TGFBR2: variants seen among roughly 807,000 people sequenced by gnomAD.
The protein encoded by TGFBR2 is transforming growth factor beta receptor 2.
TGFBR2 carries 18 observed loss-of-function variants against 49.0 expected under a neutral mutation model. That is an observed-to-expected ratio of 0.37 (90% CI 0.25 to 0.54). The LOEUF (loss-of-function observed/expected upper bound fraction) is 0.54. TGFBR2 is among the 20% of genes least tolerant of loss of function. The pLI is 0.85. For synonymous variants in TGFBR2, 282 were observed against 275.9 expected, an observed-to-expected ratio of 1.02 and a Z score of -0.22; for missense variants, 525 against 722.6, an observed-to-expected ratio of 0.73 and a Z score of 3.13.
At chr3:30,655,012 C>T (rs1247072611) in intron 3 of TGFBR2, among the ~76,000 whole-genome samples, 2 of 152,220 alleles carry the variant, frequency 1.3e-5, no homozygotes, top group African/African-American at 4.8e-5. Flanking sequence ...GCTTATTCTA[C>T]AGCTTATTAG....
In TGFBR2 at chr3:30,672,018, T is replaced by C. The variant is rs746824357; in HGVS notation, c.835T>C (p.Phe279Leu). 6.2e-6 allele frequency: 10 copies of C among 1,614,088 alleles called. No homozygotes were observed. Among genetic ancestry groups the C allele is most frequent in the Non-Finnish European group, 8.5e-6 (10 of 1,180,034 alleles). The change falls in exon 4 of 7, where the codon TTT (phenylalanine) becomes CTT (leucine). Residue 279 changes from phenylalanine to leucine, a missense_variant. By Grantham distance (22) the Phe-to-Leu change is conservative. This residue lies in a region of TGFBR2 where 376 missense variants were observed against 478.2 expected (regional missense o/e 0.79). Transcript: ENST00000295754. This position sits in a 1 kb window ranked among gnomAD's most constrained non-coding sequence, Gnocchi z 4.5. The part of the protein sequence containing the change: ...EQFETVAVKI[F>L]PYEEYASWKT... ...GTTTGAGACAGTGGCAGTCAAGATC[T>C]TTCCCTATGAGGAGTATGCCTCTTG...
intron 3 of TGFBR2, among the ~76,000 whole-genome samples, chr3:30,662,576 G>T (rs564336020): frequency 9.2e-5 from 14 of 152,216 alleles, no homozygotes; most frequent in Admixed American, 2.0e-4. Context: ...TCAATAGCTA[G>T]AAGTTAAATT....
In TGFBR2 at chr3:30,669,836, A is replaced by T. The variant is rs17026137; in HGVS notation, c.455-1802A>T. Among the ~76,000 whole-genome samples the T allele has an allele frequency of 4.9e-4, 75 of 152,292 alleles. 1 individual carries two copies. In the East Asian group the frequency reaches 0.012, roughly 24 times the overall value. On this transcript the variant is annotated intron_variant, in intron 3 of 6. Transcript: ENST00000295754. ...TGGGGCTGCTTTTCATTAAAAAGAA[A>T]CACCTTACCGAGGACTTCCATACCC...
intron 3 of TGFBR2, chr3:30,661,592 A>C (rs1699131893): frequency 1.9e-6 from 1 of 516,356 alleles, no homozygotes; most frequent in African/African-American, 1.9e-5. Context: ...ACTTGTCAAA[A>C]CACTGGCTGG....
intron 2 of TGFBR2, among the ~76,000 whole-genome samples, chr3:30,646,811 A>C (rs914521208): frequency 6.6e-6 from 1 of 152,276 alleles, no homozygotes; most frequent in Admixed American, 6.5e-5. Flanking sequence ...AGGCTCTTTT[A>C]ATTAAGATTT....
intron 5 of TGFBR2, among the ~76,000 whole-genome samples, chr3:30,681,178 A>C (rs1165107874): frequency 6.6e-6 from 1 of 151,416 alleles, no homozygotes; most frequent in Non-Finnish European, 1.5e-5. Flanking sequence ...AAAAAAAAAA[A>C]AAAGTGCAAA....
At chr3:30,647,165 G>A (rs1698757131) in intron 2 of TGFBR2, among the ~76,000 whole-genome samples, 1 of 152,158 alleles carries the variant, frequency 6.6e-6, no homozygotes, top group South Asian at 2.1e-4. Flanking sequence ...CCAGTGATGG[G>A]AGCTGCCTCA....
At chr3:30,644,639 A>G (rs1698697318) in intron 1 of TGFBR2, 108 bp from the exon 2 acceptor site, 1 of 1,072,646 alleles carries the variant, frequency 9.3e-7, no homozygotes, top group African/African-American at 1.6e-5. Context: ...CTTCAGATTC[A>G]TTCTCATGAC....
rs1699750421 is a variant in TGFBR2 at position 30,693,678 on chromosome 3, A to T, written c.*2079A>T. 2 of 233,610 alleles carry T rather than the reference A, an allele frequency of 8.6e-6. No individual in the cohort carries two copies. Among genetic ancestry groups the T allele is most frequent in the African/African-American group, 2.2e-5 (1 of 45,332 alleles). 14.5% of individuals were successfully genotyped at this position (233,610 alleles called of 1,614,324 possible). A position where few individuals can be genotyped will look rare whatever the true frequency, so the allele number is the denominator to read the frequency against. On this transcript the variant is annotated 3_prime_UTR_variant, in exon 7 of 7. Transcript: ENST00000295754. ...TCCACTTGCACCGTAGGGCATGCTG[A>T]TACCATCCCAATAGCTGTTGCCCAT...
intron 1 of TGFBR2, among the ~76,000 whole-genome samples, chr3:30,615,537 G>T (rs1164980724): frequency 1.3e-5 from 2 of 152,094 alleles, no homozygotes; most frequent in African/African-American, 4.8e-5. Context: ...TTTCTAAAGG[G>T]AAGACTGAAT....
chr3:30,615,739 A>AT (rs1276214378), intron 1 of TGFBR2, among the ~76,000 whole-genome samples: 5 of 106,850 alleles, frequency 4.7e-5, no homozygotes, highest in Non-Finnish European at 9.0e-5. Flanking sequence ...GTATGATACT[A>AT]TTTAAAATTT....
At chr3:30,627,504 G>T in intron 1 of TGFBR2, among the ~76,000 whole-genome samples, 1 of 151,910 alleles carries the variant, frequency 6.6e-6, no homozygotes, top group African/African-American at 2.4e-5. Flanking sequence ...GTAGCCAGTA[G>T]CCTAAAAACC....
At chr3:30,625,905 A>AT (rs1233711517) in intron 1 of TGFBR2, among the ~76,000 whole-genome samples, 5 of 152,080 alleles carry the variant, frequency 3.3e-5, no homozygotes, top group African/African-American at 1.2e-4. Flanking sequence ...TAACTACTAC[A>AT]TTTTTTCCTA....
At chr3:30,629,718 G>C (rs1698401197) in intron 1 of TGFBR2, among the ~76,000 whole-genome samples, 1 of 152,100 alleles carries the variant, frequency 6.6e-6, no homozygotes, top group African/African-American at 2.4e-5. Context: ...TTGAGATTTG[G>C]GGAATACAGA....
intron 6 of TGFBR2, among the ~76,000 whole-genome samples, chr3:30,690,665 C>T (rs976667684): frequency 6.6e-6 from 1 of 152,122 alleles, no homozygotes; most frequent in Non-Finnish European, 1.5e-5. Context: ...CTATATGACA[C>T]TCTGGAAAAG....
At chr3:30,642,374 G>C (rs1559455622) in intron 1 of TGFBR2, among the ~76,000 whole-genome samples, 1 of 152,152 alleles carries the variant, frequency 6.6e-6, no homozygotes, top group East Asian at 1.9e-4. Context: ...TATAGGTCTG[G>C]GTTCTCAACC....
intron 1 of TGFBR2, among the ~76,000 whole-genome samples, chr3:30,610,433 G>A (rs1439335464): frequency 1.3e-5 from 2 of 152,018 alleles, no homozygotes; most frequent in Non-Finnish European, 2.9e-5. Context: ...TCCTATCCCT[G>A]CCTTGTCACG....
At position 30,609,365 on chromosome 3, in the gene TGFBR2, C is replaced by A. The variant is rs757613018; in HGVS notation, c.94+2388C>A. Reference sequence around the variant, plus strand: ...AACATTTTTTCAAAATATCTTAATGCAAGATAATATATCAGGTAATGAGAT... The same window carrying A: ...AACATTTTTTCAAAATATCTTAATGAAAGATAATATATCAGGTAATGAGAT... On this transcript the variant is annotated intron_variant, in intron 1 of 6. Coordinates refer to ENST00000295754, the MANE Select transcript of TGFBR2 (RefSeq NM_003242.6). Among the ~76,000 whole-genome samples, 166 of 152,060 alleles carry A rather than the reference C, an allele frequency of 1.1e-3. 6 individuals carry two copies. Among genetic ancestry groups the A allele is most frequent in the Non-Finnish European group, 2.9e-4 (20 of 68,006 alleles).
Position 30,694,073 on chromosome 3 carries a change from TTA to T in TGFBR2, c.*2476_*2477del. On this transcript the variant is annotated 3_prime_UTR_variant, in exon 7 of 7. Transcript: ENST00000295754. ...TTTGTCTTTTACATAAATAAAATGT[TTA>T]TTAGATTGAATAAAGCAAAATACTC... The T allele has an allele frequency of 4.3e-6, 1 of 230,394 alleles. No homozygotes were observed. Among genetic ancestry groups the T allele is most frequent in the Non-Finnish European group, 8.6e-6 (1 of 116,022 alleles). The allele number at this position is 230,394 out of a possible 1,614,324, so 14.3% of individuals were successfully genotyped here.
Sources: gnomAD v4.1 joint callset for allele counts (sites outside exome capture counted in the v4.1 genomes callset) on GRCh38, gnomAD v4.1.1 for gene constraint, gnomAD v4.1.1 regional missense constraint, Gnocchi (gnomAD v3.1) non-coding constraint, MANE v1.5 for transcripts, NCBI Gene and HGNC (gene_info 2026-07-23, HGNC 2026-07-21) for gene names.